Variants in MANBA observed in about 807,000 individuals in gnomAD.
MANBA encodes the protein beta-mannosidase.
In MANBA, 83 loss-of-function variants were observed where a neutral mutation model predicts 111.1. The ratio of observed to expected loss-of-function variants is 0.75; its 90% CI spans 0.63 to 0.90. The LOEUF is 0.90. Ranked by LOEUF, MANBA falls within the 40% of genes least tolerant of loss-of-function variation. The pLI is 0.00. For missense variants in MANBA, 1,036 were observed against 1,069.0 expected (o/e 0.97, Z 0.43); for synonymous variants, 370 against 378.7 (o/e 0.98, Z 0.27).
intron 1 of MANBA, among the ~76,000 whole-genome samples, chr4:102,758,758 T>C (rs1724121060): frequency 6.6e-6 from 1 of 151,958 alleles, no homozygotes; most frequent in African/African-American, 2.4e-5. Flanking sequence ...CCCAGACTGG[T>C]CTAAACTCCA....
chr4:102,639,419 C>A (rs573348017), intron 14 of MANBA, among the ~76,000 whole-genome samples: 1 of 152,138 alleles, frequency 6.6e-6, no homozygotes. Context: ...AAATTCTATG[C>A]GTAATAACAA....
At chr4:102,696,740 C>G (rs919498458) in intron 5 of MANBA, among the ~76,000 whole-genome samples, 2 of 152,136 alleles carry the variant, frequency 1.3e-5, no homozygotes, top group African/African-American at 4.8e-5. Context: ...CTCACAGCTC[C>G]CCCTTTTGCA....
rs570122477 is a variant in MANBA at position 102,759,031 on chromosome 4, T to G, written c.177+1687A>C. Among the ~76,000 whole-genome samples, 16 of 152,360 alleles carry G rather than the reference T, an allele frequency of 1.1e-4. 1 individual carries two copies. The South Asian group carries it at 3.3e-3, about 32-fold the overall frequency. ...AGCAAATTCATTTTCATTAAGTATC[T>G]GTTGTAACCAAACGTTGTTTCTTAG... On this transcript the variant is annotated intron_variant, in intron 1 of 16. Coordinates refer to ENST00000647097, the MANE Select transcript of MANBA (RefSeq NM_005908.4).
chr4:102,679,570 C>A (rs1273380703), intron 7 of MANBA: 1 of 151,758 alleles, frequency 6.6e-6, no homozygotes. Flanking sequence ...TAATGGTATG[C>A]TATAGTAAGA....
At chr4:102,689,710 C>G in intron 6 of MANBA, 26 bp from the exon 7 acceptor site, 1 of 1,332,480 alleles carries the variant, frequency 7.5e-7, no homozygotes, top group Non-Finnish European at 1.1e-6. Context: ...AAAAGTCACT[C>G]TAATATGTCA....
chr4:102,633,246 C>T (rs369501307), intron 16 of MANBA: 11 of 398,424 alleles, frequency 2.8e-5, no homozygotes, highest in East Asian at 3.6e-5. Flanking sequence ...ATTCCCAGAT[C>T]GCACCGCCCA....
chr4:102,752,023 T>C (rs1578961478), intron 1 of MANBA: 1 of 744,454 alleles, frequency 1.3e-6, no homozygotes, highest in African/African-American at 1.7e-5. Flanking sequence ...TAGTGGCTCC[T>C]GGGATAAGAT....
Position 102,669,775 on chromosome 4 carries a change from T to C in MANBA, c.1231-726A>G, listed in dbSNP as rs148789917. Among the ~76,000 whole-genome samples the C allele has an allele frequency of 7.1e-3, 1,073 of 152,118 alleles. 13 individuals carry two copies. Among genetic ancestry groups the C allele is most frequent in the African/African-American group, 0.024 (1,014 of 41,464 alleles). On this transcript the variant is annotated intron_variant, in intron 9 of 16. Transcript: ENST00000647097. ...GTGGGCAGATCACGAGGTCAGGAGATCGAGACCATCCTGGCTAACACGGTG... is the reference window on the plus strand; with the variant it reads ...GTGGGCAGATCACGAGGTCAGGAGACCGAGACCATCCTGGCTAACACGGTG...
rs561734518 is a variant in MANBA at position 102,681,412 on chromosome 4, T to A, written c.961-7342A>T. The stretch of plus-strand genomic sequence containing the variant: ...CCCCTACTAAAGCATACCACTGATG[T>A]CATGTTTTACTTTGACTCTTTCTTT... On this transcript the variant is annotated intron_variant, in intron 7 of 16. Transcript: ENST00000647097. 8 of 152,314 alleles carry A rather than the reference T, an allele frequency of 5.3e-5. No homozygotes were observed. In the South Asian group the frequency reaches 1.7e-3, roughly 32 times the overall value. 9.4% of individuals were successfully genotyped at this position (152,314 alleles called of 1,614,324 possible).
At chr4:102,724,274 T>C (rs887691498) in intron 2 of MANBA, among the ~76,000 whole-genome samples, 1 of 152,224 alleles carries the variant, frequency 6.6e-6, no homozygotes, top group African/African-American at 2.4e-5. Flanking sequence ...AGAACCAAGT[T>C]AGGCCAGGAG....
chr4:102,673,689 G>A (rs984975257), intron 8 of MANBA, among the ~76,000 whole-genome samples: 8 of 151,818 alleles, frequency 5.3e-5, no homozygotes, highest in South Asian at 2.1e-4. Flanking sequence ...TCTAAAAATC[G>A]AATGGCTTCA....
intron 1 of MANBA, chr4:102,728,956 C>T (rs893509084): frequency 1.5e-5 from 12 of 786,050 alleles, no homozygotes; most frequent in South Asian, 9.4e-5. Context: ...TCATGTTCTG[C>T]ATCCCAGAGT....
intron 7 of MANBA, among the ~76,000 whole-genome samples, chr4:102,688,354 TAC>T (rs1385005435): frequency 2.5e-4 from 26 of 105,618 alleles, no homozygotes; most frequent in Non-Finnish European, 3.8e-4. Context: ...CACACACACA[TAC>T]ACACTCTTTC....
Position 102,760,600 on chromosome 4 carries a change from T to A in MANBA, c.177+118A>T, listed in dbSNP as rs1031169080. The A allele has an allele frequency of 5.3e-6, 6 of 1,130,500 alleles. No homozygotes were observed. The African/African-American group carries it at 7.9e-5, about 15-fold the overall frequency. The allele number at this position is 1,130,500 out of a possible 1,614,324, so 70.0% of individuals were successfully genotyped here. On this transcript the variant is annotated intron_variant, in intron 1 of 16. Transcript: ENST00000647097. ...CAGATCACAAGATGCAAAGGGGAAG[T>A]TACTACCAAACCGACGAGAATGGCC...
chr4:102,701,609 A>T (rs1349970954), intron 5 of MANBA, among the ~76,000 whole-genome samples: 5 of 151,008 alleles, frequency 3.3e-5, no homozygotes, highest in South Asian at 2.1e-4. Flanking sequence ...TATTTCTCCT[A>T]CACTTATGAA....
intron 4 of MANBA, among the ~76,000 whole-genome samples, chr4:102,721,440 A>C (rs1031892279): frequency 1.3e-5 from 2 of 152,206 alleles, no homozygotes; most frequent in Non-Finnish European, 2.9e-5. Flanking sequence ...AAAGAACTGA[A>C]AGAAGGGTCA....
chr4:102,714,670 T>G (rs1722246287), intron 4 of MANBA, 109 bp from the exon 5 acceptor site: 2 of 1,079,550 alleles, frequency 1.9e-6, no homozygotes, highest in South Asian at 1.4e-5. Flanking sequence ...AAGTTTGCTA[T>G]GGCAGCCATA....
chr4:102,711,337 C>T (rs1287214181), intron 5 of MANBA, among the ~76,000 whole-genome samples: 1 of 152,070 alleles, frequency 6.6e-6, no homozygotes, highest in Non-Finnish European at 1.5e-5. Flanking sequence ...AGAAGACATA[C>T]AAATGGCCAA....
intron 10 of MANBA, chr4:102,666,913 A>G (rs1481223712): frequency 6.6e-6 from 1 of 152,236 alleles, no homozygotes; most frequent in African/African-American, 2.4e-5. Context: ...AGTAACCACT[A>G]TCTAGAGTAT....
Sources: gnomAD v4.1 joint callset for allele counts (sites outside exome capture counted in the v4.1 genomes callset) on GRCh38, gnomAD v4.1.1 for gene constraint, MANE v1.5 for transcripts, NCBI Gene and HGNC (gene_info 2026-07-23, HGNC 2026-07-21) for gene names.